The following DHRSX variants were observed in gnomAD, a reference collection of about 807,000 sequenced individuals.
DHRSX encodes polyprenol dehydrogenase.
A neutral mutation model predicts 34.0 loss-of-function variants in DHRSX; 31 were observed. That is an observed-to-expected ratio of 0.91 (90% CI 0.69 to 1.23). DHRSX has a LOEUF of 1.23. DHRSX is among the 50% of genes most tolerant of loss of function. DHRSX has a pLI of 0.00. For missense variants in DHRSX, 414 were observed against 428.1 expected, an observed-to-expected ratio of 0.97 and a Z score of 0.29; for synonymous variants, 201 against 183.8, an observed-to-expected ratio of 1.09 and a Z score of -0.76.
chrX:2,343,049 A>G (rs767750937), intron 3 of DHRSX, among the ~76,000 whole-genome samples: 1 of 152,292 alleles, frequency 6.6e-6, no homozygotes, highest in African/African-American at 2.4e-5. Context: ...GACTCATGTC[A>G]GCATAACCAG....
rs2043060247 is a variant in DHRSX at position 2,371,334 on chromosome X, CTCCT to C, written c.286+37407_286+37410del. Among the ~76,000 whole-genome samples, 4 of 148,926 alleles carry C rather than the reference CTCCT, an allele frequency of 2.7e-5. No individual in the cohort carries two copies. The South Asian group carries it at 8.5e-4, about 32-fold the overall frequency. ...GACCCTCCTCCCGTTACTATAGTCC[CTCCT>C]TCCGTTACCATAGTCCCTCCTCCCA... On this transcript the variant is annotated intron_variant, in intron 3 of 6. Transcript: ENST00000334651.
chrX:2,257,526 G>C (rs2041295763), intron 5 of DHRSX, among the ~76,000 whole-genome samples: 1 of 152,148 alleles, frequency 6.6e-6, no homozygotes, highest in Admixed American at 6.5e-5. Context: ...AAGGGGACCT[G>C]GGCGTATCTC....
intron 3 of DHRSX, among the ~76,000 whole-genome samples, chrX:2,347,818 C>G (rs1417508422): frequency 6.6e-6 from 1 of 152,144 alleles, no homozygotes; most frequent in Non-Finnish European, 1.5e-5. Context: ...CAGCAACATA[C>G]GGTACATGGA....
chrX:2,452,438 T>C (rs1187894634), intron 1 of DHRSX, among the ~76,000 whole-genome samples: 6 of 151,734 alleles, frequency 4.0e-5, no homozygotes, highest in Admixed American at 6.6e-5. Context: ...AGACATTCCC[T>C]ACGAATGTGG....
chrX:2,229,038 G>C (rs1355346596), intron 6 of DHRSX, among the ~76,000 whole-genome samples: 1 of 152,004 alleles, frequency 6.6e-6, no homozygotes, highest in Non-Finnish European at 1.5e-5. Context: ...CAAACGCTCA[G>C]CTCTCTGCAA....
intron 5 of DHRSX, among the ~76,000 whole-genome samples, chrX:2,245,804 A>G (rs1013508836): frequency 5.3e-5 from 8 of 149,846 alleles, no homozygotes; most frequent in South Asian, 2.1e-4. Context: ...AAAAAAAAAA[A>G]TTAAAAAATT....
At chrX:2,319,015 T>C (rs1164630415) in intron 3 of DHRSX, among the ~76,000 whole-genome samples, 1 of 152,126 alleles carries the variant, frequency 6.6e-6, no homozygotes, top group African/African-American at 2.4e-5. Context: ...TGCAGCCCTC[T>C]AGCAAAATCC....
chrX:2,309,806 G>T (rs1391519877), intron 3 of DHRSX, among the ~76,000 whole-genome samples: 3 of 152,152 alleles, frequency 2.0e-5, no homozygotes, highest in Non-Finnish European at 2.9e-5. Context: ...CCAGCTACGT[G>T]GGAGGCTGAG....
intron 1 of DHRSX, among the ~76,000 whole-genome samples, chrX:2,459,882 T>C (rs1403335233): frequency 1.3e-5 from 2 of 151,808 alleles, no homozygotes; most frequent in African/African-American, 4.8e-5. Flanking sequence ...CTGAGGCAGG[T>C]GGATCACCTG....
chrX:2,392,615 ATAT>A (rs1426086508), intron 3 of DHRSX: 14 of 158,072 alleles, frequency 8.9e-5, no homozygotes, highest in Non-Finnish European at 1.6e-4. Context: ...TGCTTATTAT[ATAT>A]TATATTTATT....
chrX:2,434,653 A>G (rs751327744), intron 1 of DHRSX, among the ~76,000 whole-genome samples: 20 of 152,366 alleles, frequency 1.3e-4, no homozygotes, highest in African/African-American at 4.8e-4. Context: ...CCTGGGTGAC[A>G]GAGCAAGACG....
chrX:2,500,028 A>T (rs193270912), intron 1 of DHRSX, among the ~76,000 whole-genome samples: 42 of 152,242 alleles, frequency 2.8e-4, no homozygotes, highest in East Asian at 7.7e-4. Flanking sequence ...CTATTACAAA[A>T]AATAATAATA....
intron 1 of DHRSX, among the ~76,000 whole-genome samples, chrX:2,439,187 ATAAAG>A (rs2044033752): frequency 6.6e-6 from 1 of 152,120 alleles, no homozygotes; most frequent in Non-Finnish European, 1.5e-5. Flanking sequence ...CAGCTTAAAA[ATAAAG>A]TAAAATAACA....
chrX:2,355,206 A>G (rs2042833725), intron 3 of DHRSX, among the ~76,000 whole-genome samples: 2 of 152,246 alleles, frequency 1.3e-5, no homozygotes, highest in South Asian at 4.2e-4. Context: ...AAACGAAAAG[A>G]AAGTCAGAGT....
rs2015508634 is a variant in DHRSX, at chrX:2,221,059, G to A, written c.975C>T (p.Val325=). The change falls in exon 7 of 7, where the codon GTC becomes GTT. Residue 325 remains valine (V), a synonymous_variant. Transcript: ENST00000334651. The stretch of plus-strand genomic sequence containing the variant: ...CAGGATATCACAGGGTCACATCAAG[G>A]ACCCCAGTCATCTCACAACTCTTAG... ...LWSKSCEMTG[V]LDVTL 2 of 1,613,884 alleles carry A rather than the reference G, an allele frequency of 1.2e-6. No homozygotes were observed. The highest frequency in any genetic ancestry group is 2.2e-5 in the South Asian group (2 of 91,068).
At chrX:2,420,572 G>A (rs1314668778) in intron 2 of DHRSX, among the ~76,000 whole-genome samples, 3 of 151,308 alleles carry the variant, frequency 2.0e-5, no homozygotes, top group South Asian at 2.1e-4. Context: ...GTGAAACCCC[G>A]TCTCTACTAA....
intron 2 of DHRSX, among the ~76,000 whole-genome samples, chrX:2,423,830 C>G (rs1387303830): frequency 6.6e-6 from 1 of 151,890 alleles, no homozygotes; most frequent in African/African-American, 2.4e-5. Context: ...GAAGAGGTCA[C>G]AGAGGAAGAG....
At chrX:2,494,543 G>A (rs1253915538) in intron 1 of DHRSX, among the ~76,000 whole-genome samples, 1 of 151,802 alleles carries the variant, frequency 6.6e-6, no homozygotes, top group Non-Finnish European at 1.5e-5. Context: ...AGAAGTCCGG[G>A]TACCTGGAAC....
At chrX:2,327,150 G>A (rs1025864974) in intron 3 of DHRSX, among the ~76,000 whole-genome samples, 8 of 152,162 alleles carry the variant, frequency 5.3e-5, no homozygotes, top group African/African-American at 1.7e-4. Context: ...AACACTTTTC[G>A]TGCATGAGTG....
Sources: gnomAD v4.1 joint callset for allele counts (sites outside exome capture counted in the v4.1 genomes callset) on GRCh38, gnomAD v4.1.1 for gene constraint, MANE v1.5 for transcripts, NCBI Gene and HGNC (gene_info 2026-07-23, HGNC 2026-07-21) for gene names.